FNDC3A: variants seen among roughly 807,000 people sequenced by gnomAD.
FNDC3A encodes fibronectin type-III domain-containing protein 3A.
Under a neutral mutation model 148.9 loss-of-function variants are expected in FNDC3A, and 32 were observed. The ratio of observed to expected loss-of-function variants is 0.21; its 90% confidence interval spans 0.16 to 0.29. The LOEUF (loss-of-function observed/expected upper bound fraction) is 0.29. Ranked by LOEUF, FNDC3A falls within the 10% of genes least tolerant of loss-of-function variation. FNDC3A has a pLI of 1.00. For synonymous variants in FNDC3A, 472 were observed against 473.6 expected (o/e 1.00, Z 0.04); for missense variants, 1,191 against 1,452.8 (o/e 0.82, Z 2.93).
intron 1 of FNDC3A, among the ~76,000 whole-genome samples, chr13:48,990,040 G>A (rs751250078): frequency 2.6e-5 from 4 of 152,010 alleles, no homozygotes; most frequent in Admixed American, 6.6e-5. Context: ...GTGAACCACC[G>A]TGCCTGGCCC....
At chr13:49,137,147 C>T (rs1459062476) in intron 6 of FNDC3A, among the ~76,000 whole-genome samples, 1 of 152,086 alleles carries the variant, frequency 6.6e-6, no homozygotes, top group Non-Finnish European at 1.5e-5. Context: ...TTTTATTTCT[C>T]CCACCTTCTT....
intron 2 of FNDC3A, among the ~76,000 whole-genome samples, chr13:49,026,062 G>A (rs1341652658): frequency 6.6e-6 from 1 of 152,200 alleles, no homozygotes; most frequent in Admixed American, 6.5e-5. Context: ...GAGGATTTAT[G>A]TAATGGAATA....
rs1366431153 is a variant in FNDC3A at position 49,114,697 on chromosome 13, C to G, written c.218C>G (p.Pro73Arg). 1 of 1,613,030 alleles carries G rather than the reference C, an allele frequency of 6.2e-7. No individual in the cohort carries two copies. Among genetic ancestry groups the G allele is most frequent in the African/African-American group, 1.3e-5 (1 of 74,872 alleles). ...ATGATGTCCCCAAATGGTTCTGTGC[C>G]TCCTATCTATGTGCCTCCTGGATAT... ...VPMMSPNGSV[P>R]PIYVPPGYAP... Residue 73 changes from proline (P) to arginine (R), a missense_variant, in exon 4 of 26, where the codon CCT becomes CGT. Coordinates refer to ENST00000492622, the MANE Select transcript of FNDC3A (RefSeq NM_001079673.2).
intron 13 of FNDC3A, among the ~76,000 whole-genome samples, chr13:49,176,646 GAAAA>G (rs59009288): frequency 5.3e-5 from 8 of 149,870 alleles, no homozygotes; most frequent in African/African-American, 9.8e-5. Flanking sequence ...TAAAAAATCA[GAAAA>G]AAAAACATTT....
chr13:49,055,827 G>C (rs1366769210), intron 2 of FNDC3A, among the ~76,000 whole-genome samples: 1 of 152,024 alleles, frequency 6.6e-6, no homozygotes, highest in Non-Finnish European at 1.5e-5. Flanking sequence ...ATGTTCTCAG[G>C]ATCTCCTGAG....
At chr13:49,201,038 T>G (rs1886396545) in intron 23 of FNDC3A, 1 of 160,956 alleles carries the variant, frequency 6.2e-6, no homozygotes. Context: ...TTCCTGTCAT[T>G]AAATATTTCT....
At chr13:49,043,581 A>G (rs1429454625) in intron 2 of FNDC3A, among the ~76,000 whole-genome samples, 1 of 152,182 alleles carries the variant, frequency 6.6e-6, no homozygotes, top group East Asian at 1.9e-4. Flanking sequence ...ACATGCTGTC[A>G]TGATAGTGTA....
chr13:48,996,043 A>G (rs1952017450), intron 1 of FNDC3A, among the ~76,000 whole-genome samples: 1 of 152,250 alleles, frequency 6.6e-6, no homozygotes, highest in South Asian at 2.1e-4. Context: ...ATAAAGTCCA[A>G]GTTGTGGCAG....
intron 4 of FNDC3A, among the ~76,000 whole-genome samples, chr13:49,130,477 CATAAT>C (rs1881960747): frequency 6.6e-6 from 1 of 152,034 alleles, no homozygotes; most frequent in African/African-American, 2.4e-5. Context: ...TACTCCTAGT[CATAAT>C]ATAGAAAAGG....
At chr13:49,108,618 G>T (rs1480012728) in intron 3 of FNDC3A, among the ~76,000 whole-genome samples, 1 of 152,144 alleles carries the variant, frequency 6.6e-6, no homozygotes, top group Non-Finnish European at 1.5e-5. Context: ...GAAAGGAGAT[G>T]ATAAGTTAAA....
chr13:49,198,028 G>C lies in FNDC3A; in HGVS notation c.2537G>C (p.Cys846Ser). 1 of 1,614,158 alleles carries C rather than the reference G, an allele frequency of 6.2e-7. No homozygotes were observed. Among genetic ancestry groups the C allele is most frequent in the Non-Finnish European group, 8.5e-7 (1 of 1,180,024 alleles). ...GGCCCTTTCAGTGAAGTAGTAGCCT[G>C]TGTGACTCCACCATCAGTTCCTGGC... ...GAGPFSEVVA[C>S]VTPPSVPGIV... is the part of the protein sequence containing the mutation. The change falls in exon 22 of 26, where the codon TGT (cysteine) becomes TCT (serine). Residue 846 changes from cysteine (C) to serine (S), a missense_variant. Physicochemically the swap from Cys to Ser is moderately radical, Grantham distance 112. This residue lies in a region of FNDC3A where 751 missense variants were observed against 944.0 expected (regional missense o/e 0.80). Transcript: ENST00000492622.
At chr13:48,995,186 A>C (rs752981494) in intron 1 of FNDC3A, among the ~76,000 whole-genome samples, 1 of 152,166 alleles carries the variant, frequency 6.6e-6, no homozygotes, top group Non-Finnish European at 1.5e-5. Context: ...AAGTGCTGAG[A>C]TTACAGTCGT....
chr13:49,022,682 TCTAA>T (rs1873415213), intron 2 of FNDC3A, among the ~76,000 whole-genome samples: 1 of 152,158 alleles, frequency 6.6e-6, no homozygotes, highest in South Asian at 2.1e-4. Flanking sequence ...TTAGTCATCT[TCTAA>T]CTGCTATGCA....
intron 8 of FNDC3A, among the ~76,000 whole-genome samples, chr13:49,161,215 TGG>T (rs1884091009): frequency 6.6e-6 from 1 of 152,158 alleles, no homozygotes; most frequent in South Asian, 2.1e-4. Flanking sequence ...ATGTTGACAG[TGG>T]GGTGTTAAAG....
At chr13:49,110,230 T>A in intron 3 of FNDC3A, 1 of 775,574 alleles carries the variant, frequency 1.3e-6, no homozygotes, top group South Asian at 3.1e-5. Context: ...TGCCCTTTCC[T>A]GGGTCACTGC....
intron 19 of FNDC3A, among the ~76,000 whole-genome samples, chr13:49,196,103 A>AAAG (rs1291307970): frequency 6.7e-6 from 1 of 148,432 alleles, no homozygotes; most frequent in Non-Finnish European, 1.5e-5. Flanking sequence ...AAAAAAAAAA[A>AAAG]AAGAAGTTGA....
chr13:49,144,013 G>A (rs2025314), intron 7 of FNDC3A, among the ~76,000 whole-genome samples: 2,158 of 142,060 alleles, frequency 0.015, 45 homozygotes, highest in African/African-American at 0.05. Flanking sequence ...TACTACTACT[G>A]CTACTACTAC....
At chr13:49,115,193 GGA>G (rs1491348477) in intron 4 of FNDC3A, among the ~76,000 whole-genome samples, 60 of 107,216 alleles carry the variant, frequency 5.6e-4, no homozygotes, top group Admixed American at 7.1e-4. Flanking sequence ...AGGGGGGGGG[GGA>G]AATAAAAAAA....
chr13:49,208,841 A>G lies in FNDC3A; in HGVS notation c.*1446A>G, dbSNP rs767316364. ...TGCTGAGGTTGGCATTTTAGTGATT[A>G]TTAAGCACTTCTGTCAGTCTTTGAA... On this transcript the variant is annotated 3_prime_UTR_variant, in exon 26 of 26. Transcript: ENST00000492622. 1 of 152,644 alleles carries G rather than the reference A, an allele frequency of 6.6e-6. No individual in the cohort carries two copies. The highest frequency in any genetic ancestry group is 2.4e-5 in the African/African-American group (1 of 41,466). The allele number at this position is 152,644 out of a possible 1,614,324, so 9.5% of individuals were successfully genotyped here.
Sources: allele counts gnomAD v4.1 joint callset (sites outside exome capture counted in the v4.1 genomes callset), GRCh38; gene constraint gnomAD v4.1.1; regional missense constraint gnomAD v4.1.1; transcripts MANE v1.5; gene names NCBI Gene and HGNC (gene_info 2026-07-23, HGNC 2026-07-21).